NCAM2: variants seen among roughly 807,000 people sequenced by gnomAD.
The protein encoded by NCAM2 is N-CAM-2.
Under a neutral mutation model 98.1 loss-of-function variants are expected in NCAM2, and 30 were observed. That is an observed-to-expected ratio of 0.31 (90% CI 0.23 to 0.41). The LOEUF is 0.41. Ranked by LOEUF, NCAM2 falls within the 10% of genes least tolerant of loss-of-function variation. The pLI is 1.00. For missense variants in NCAM2, 867 were observed against 1,005.8 expected (o/e 0.86, Z 1.87); for synonymous variants, 368 against 342.4 (o/e 1.07, Z -0.83).
At chr21:21,082,388 T>C (rs528497819) in intron 1 of NCAM2, among the ~76,000 whole-genome samples, 1 of 152,258 alleles carries the variant, frequency 6.6e-6, no homozygotes, top group Admixed American at 6.5e-5. Flanking sequence ...AAAAAAGTTT[T>C]GGTCATCTTA....
At chr21:21,062,492 G>C (rs182110990) in intron 1 of NCAM2, among the ~76,000 whole-genome samples, 1 of 152,266 alleles carries the variant, frequency 6.6e-6, no homozygotes. Context: ...CATCTATTCA[G>C]AGCCATGTGT....
At chr21:21,436,132 A>C (rs1190837634) in intron 12 of NCAM2, among the ~76,000 whole-genome samples, 1 of 152,252 alleles carries the variant, frequency 6.6e-6, no homozygotes, top group African/African-American at 2.4e-5. Flanking sequence ...ATGTGATGTT[A>C]ATAGTCATAA....
At chr21:21,416,359 T>A (rs1349727827) in intron 10 of NCAM2, among the ~76,000 whole-genome samples, 3 of 152,014 alleles carry the variant, frequency 2.0e-5, no homozygotes. Context: ...CCATAGCAAA[T>A]TTAATAATAA....
At position 21,539,451 on chromosome 21, in the gene NCAM2, A is replaced by G. The variant is rs191895244; in HGVS notation, c.*1494A>G. On this transcript the variant is annotated 3_prime_UTR_variant, in exon 18 of 18. Transcript: ENST00000400546. The stretch of plus-strand genomic sequence containing the variant: ...AAAGGAATATTGGAGCAATTTTAAC[A>G]TTGCAGAAACCTGCTCTGGGTGTGT... 16 of 152,286 alleles carry G rather than the reference A, an allele frequency of 1.1e-4. No individual in the cohort carries two copies. Among genetic ancestry groups the G allele is most frequent in the Non-Finnish European group, 1.5e-5 (1 of 68,026 alleles). The allele number at this position is 152,286 out of a possible 1,614,324, so 9.4% of individuals were successfully genotyped here. A position where few individuals can be genotyped will look rare whatever the true frequency, so the allele number is the denominator to read the frequency against.
chr21:21,452,573 ATT>A (rs1422834200), intron 12 of NCAM2, among the ~76,000 whole-genome samples: 18 of 90,594 alleles, frequency 2.0e-4, no homozygotes, highest in East Asian at 1.6e-3. Context: ...TAGTATATAT[ATT>A]GTATATATAT....
At chr21:21,356,073 ATACT>A (rs1257220575) in intron 8 of NCAM2, among the ~76,000 whole-genome samples, 2 of 152,218 alleles carry the variant, frequency 1.3e-5, no homozygotes, top group African/African-American at 4.8e-5. Flanking sequence ...TGAAGAATAC[ATACT>A]TAAAATATTT....
intron 11 of NCAM2, among the ~76,000 whole-genome samples, chr21:21,419,046 G>A (rs537840214): frequency 1.5e-4 from 23 of 152,166 alleles, no homozygotes; most frequent in African/African-American, 4.1e-4. Context: ...AGACTTTAGC[G>A]TGTCTATAAC....
At chr21:21,500,456 A>G (rs999686858) in intron 15 of NCAM2, among the ~76,000 whole-genome samples, 4 of 152,146 alleles carry the variant, frequency 2.6e-5, no homozygotes, top group African/African-American at 7.2e-5. Flanking sequence ...ATAGTGTTAC[A>G]TTGTGCTCGG....
intron 1 of NCAM2, among the ~76,000 whole-genome samples, chr21:21,265,496 AAT>A (rs764897518): frequency 1.4e-5 from 2 of 142,188 alleles, no homozygotes; most frequent in African/African-American, 2.6e-5. Flanking sequence ...ACACATATAT[AAT>A]ATATGTGTGT....
At chr21:21,037,507 C>G (rs1313559486) in intron 1 of NCAM2, among the ~76,000 whole-genome samples, 5 of 152,082 alleles carry the variant, frequency 3.3e-5, no homozygotes, top group Admixed American at 6.6e-5. Flanking sequence ...GTTGATTATT[C>G]ACTTAAAAGT....
intron 1 of NCAM2, among the ~76,000 whole-genome samples, chr21:21,099,331 A>G (rs1269039658): frequency 5.3e-5 from 8 of 151,890 alleles, no homozygotes; most frequent in Non-Finnish European, 1.0e-4. Context: ...TGGGCTTTGT[A>G]TTAGTTCATT....
chr21:21,464,286 C>T (rs1042121704), intron 12 of NCAM2, among the ~76,000 whole-genome samples: 2 of 151,942 alleles, frequency 1.3e-5, no homozygotes, highest in Admixed American at 1.3e-4. Context: ...AGTCTTATTC[C>T]AAAACATGTT....
intron 1 of NCAM2, among the ~76,000 whole-genome samples, chr21:21,214,442 A>T (rs2147097860): frequency 6.6e-6 from 1 of 152,052 alleles, no homozygotes; most frequent in Non-Finnish European, 1.5e-5. Context: ...TGCCAGGATA[A>T]TTGGCCAATT....
intron 2 of NCAM2, 69 bp downstream of exon 2, chr21:21,280,721 A>G: frequency 2.0e-6 from 2 of 986,556 alleles, no homozygotes; most frequent in Non-Finnish European, 1.5e-6. Context: ...TGTGTTGGCT[A>G]AATTTAACTA....
chr21:21,205,478 CTTGTT>C (rs1233283499), intron 1 of NCAM2, among the ~76,000 whole-genome samples: 2 of 151,966 alleles, frequency 1.3e-5, no homozygotes, highest in Non-Finnish European at 2.9e-5. Context: ...TGGCTTATAT[CTTGTT>C]TTAAGTTTAG....
chr21:21,413,760 G>C (rs1395530415), intron 10 of NCAM2, among the ~76,000 whole-genome samples: 2 of 152,112 alleles, frequency 1.3e-5, no homozygotes, highest in Non-Finnish European at 2.9e-5. Context: ...GCGTTTTGTC[G>C]CAAGGTTGAT....
intron 1 of NCAM2, among the ~76,000 whole-genome samples, chr21:21,071,876 TATCTATCTATC>T (rs2065574032): frequency 2.3e-5 from 1 of 43,706 alleles, no homozygotes; most frequent in Non-Finnish European, 6.1e-5. Context: ...TCTGCCTATC[TATCTATCTATC>T]TATCTATCTA....
intron 1 of NCAM2, among the ~76,000 whole-genome samples, chr21:21,131,562 C>T (rs554754105): frequency 2.0e-5 from 3 of 152,200 alleles, no homozygotes; most frequent in Non-Finnish European, 4.4e-5. Context: ...CATGAGCCAC[C>T]ACTCCTGGCT....
chr21:21,450,834 A>G (rs1980949560), intron 12 of NCAM2, among the ~76,000 whole-genome samples: 2 of 141,084 alleles, frequency 1.4e-5, no homozygotes. Context: ...ACACACACAC[A>G]TATCTCCTGT....
Sources: gnomAD v4.1 joint callset for allele counts (sites outside exome capture counted in the v4.1 genomes callset) on GRCh38, gnomAD v4.1.1 for gene constraint, MANE v1.5 for transcripts, NCBI Gene and HGNC (gene_info 2026-07-23, HGNC 2026-07-21) for gene names.